PEMT: variants seen among roughly 807,000 people sequenced by gnomAD.
PEMT encodes phosphatidylethanolamine N-methyltransferase.
Under a neutral mutation model 27.4 loss-of-function variants are expected in PEMT, and 23 were observed. The ratio of observed to expected loss-of-function variants is 0.84; its 90% confidence interval spans 0.60 to 1.19. The LOEUF (loss-of-function observed/expected upper bound fraction) is 1.19, where lower values mean the gene tolerates loss of function less well. PEMT is among the 50% of genes most tolerant of loss of function. The pLI is 0.00. For missense variants in PEMT, 307 were observed against 310.1 expected, an observed-to-expected ratio of 0.99 and a Z score of 0.07; for synonymous variants, 137 against 139.1, an observed-to-expected ratio of 0.98 and a Z score of 0.11.
In PEMT at chr17:17,576,973, T is replaced by C. The variant is rs745433638; in HGVS notation, c.151A>G (p.Ser51Gly). Residue 51 changes from serine to glycine, a missense_variant, in exon 2 of 7, where the codon AGC (serine) becomes GGC (glycine). Transcript: ENST00000255389. ...ATGGTGATGACGGCAGCCACAAAGC[T>C]GGGATCCAGGGGGTCCACGTAGCCC... ...LLGYVDPLDP[S>G]FVAAVITITF... 9 of 1,613,904 alleles carry C rather than the reference T, an allele frequency of 5.6e-6. No individual in the cohort carries two copies. The South Asian group carries it at 8.8e-5, about 16-fold the overall frequency.
intron 1 of PEMT, among the ~76,000 whole-genome samples, chr17:17,586,216 A>AAAAGAAAGAAAGAAAGAAAGAAAG (rs745534134): frequency 2.5e-5 from 2 of 79,310 alleles, no homozygotes; most frequent in Admixed American, 1.3e-4. Context: ...GAAAGAAAGA[A>AAAAGAAAGAAAGAAAGAAAGAAAG]AAAGAAAGAA....
chr17:17,580,267 A>C (rs930075849), intron 1 of PEMT, among the ~76,000 whole-genome samples: 3 of 152,172 alleles, frequency 2.0e-5, no homozygotes, highest in African/African-American at 7.2e-5. Context: ...TCACAGGGTC[A>C]GGAGTTTGAG....
At chr17:17,533,705 A>G (rs1054632539) in intron 2 of PEMT, among the ~76,000 whole-genome samples, 2 of 151,328 alleles carry the variant, frequency 1.3e-5, no homozygotes, top group African/African-American at 4.9e-5. Flanking sequence ...TGGCACAATC[A>G]CTTCTGAAGG....
chr17:17,510,916 G>A (rs1007562157), intron 4 of PEMT, among the ~76,000 whole-genome samples: 5 of 152,100 alleles, frequency 3.3e-5, no homozygotes, highest in East Asian at 3.9e-4. Flanking sequence ...TGCACAGCCC[G>A]GAGTCCCCCT....
At chr17:17,527,465 G>C (rs1907755878) in intron 2 of PEMT, among the ~76,000 whole-genome samples, 1 of 152,348 alleles carries the variant, frequency 6.6e-6, no homozygotes, top group Middle Eastern at 3.4e-3. Context: ...CAGGTTCTGG[G>C]CTCAAACACC....
intron 2 of PEMT, among the ~76,000 whole-genome samples, chr17:17,537,445 C>A (rs1908560009): frequency 1.3e-5 from 2 of 152,208 alleles, no homozygotes; most frequent in South Asian, 4.1e-4. Context: ...GCCCAACACA[C>A]CGGGCTCCCC....
chr17:17,546,681 C>G (rs867868786), intron 2 of PEMT, among the ~76,000 whole-genome samples: 19 of 152,252 alleles, frequency 1.2e-4, no homozygotes, highest in African/African-American at 4.6e-4. Context: ...GCCTCCCTGT[C>G]CACCCTGGGG....
At chr17:17,592,071 G>A, upstream of PEMT, 1 of 983,724 alleles carries the variant, frequency 1.0e-6, no homozygotes, top group Non-Finnish European at 1.2e-6. Flanking sequence ...CTTGGACTTG[G>A]CCCGGGTCAC....
chr17:17,549,320 G>A (rs1179123255), intron 2 of PEMT, among the ~76,000 whole-genome samples: 1 of 152,176 alleles, frequency 6.6e-6, no homozygotes, highest in African/African-American at 2.4e-5. Flanking sequence ...CTCCTGAGTA[G>A]CTGGGACTAC....
intron 2 of PEMT, among the ~76,000 whole-genome samples, chr17:17,574,313 A>ACC (rs1238514089): frequency 1.5e-5 from 2 of 129,704 alleles, no homozygotes; most frequent in African/African-American, 6.3e-5. Context: ...ATCTTACTGC[A>ACC]TCTTTTTTTT....
intron 3 of PEMT, among the ~76,000 whole-genome samples, chr17:17,520,840 G>C (rs1907209674): frequency 6.6e-6 from 1 of 152,260 alleles, no homozygotes; most frequent in African/African-American, 2.4e-5. Context: ...GACCTCAGTA[G>C]GACCCTGACC....
At chr17:17,569,788 T>C (rs1383029127) in intron 2 of PEMT, among the ~76,000 whole-genome samples, 1 of 152,196 alleles carries the variant, frequency 6.6e-6, no homozygotes, top group East Asian at 1.9e-4. Flanking sequence ...TTTGCTCTTG[T>C]AAATAACTGC....
At chr17:17,579,174 A>C (rs910142238) in intron 1 of PEMT, among the ~76,000 whole-genome samples, 1 of 152,138 alleles carries the variant, frequency 6.6e-6, no homozygotes, top group Non-Finnish European at 1.5e-5. Flanking sequence ...TGCTTCCCCA[A>C]ACGACAGTCT....
intron 2 of PEMT, among the ~76,000 whole-genome samples, chr17:17,573,602 T>G (rs543863193): frequency 6.6e-6 from 1 of 152,144 alleles, no homozygotes; most frequent in East Asian, 1.9e-4. Flanking sequence ...GTAAAGTATA[T>G]GGGAGGGTGG....
At chr17:17,569,308 C>A (rs1195137927) in intron 2 of PEMT, among the ~76,000 whole-genome samples, 1 of 152,190 alleles carries the variant, frequency 6.6e-6, no homozygotes, top group Admixed American at 6.5e-5. Flanking sequence ...CTCTGGAGCA[C>A]ATGTGCAGGA....
chr17:17,529,045 A>T (rs1189933986), intron 2 of PEMT, among the ~76,000 whole-genome samples: 1 of 152,182 alleles, frequency 6.6e-6, no homozygotes, highest in Non-Finnish European at 1.5e-5. Flanking sequence ...CTCATAGTGG[A>T]TGGGGTGTGT....
chr17:17,584,465 C>T (rs1912138577), intron 1 of PEMT, among the ~76,000 whole-genome samples: 1 of 152,028 alleles, frequency 6.6e-6, no homozygotes, highest in Non-Finnish European at 1.5e-5. Flanking sequence ...CCGGCCCAAA[C>T]CTGGCTAATT....
intron 2 of PEMT, among the ~76,000 whole-genome samples, chr17:17,537,948 A>C (rs1908601514): frequency 6.6e-6 from 1 of 152,180 alleles, no homozygotes; most frequent in African/African-American, 2.4e-5. Flanking sequence ...CCAACCTGCC[A>C]CCTCCAGGGA....
intron 2 of PEMT, among the ~76,000 whole-genome samples, chr17:17,576,701 C>A (rs778814604): frequency 2.0e-5 from 3 of 152,224 alleles, no homozygotes; most frequent in Non-Finnish European, 2.9e-5. Flanking sequence ...CCTGGACCAT[C>A]CTGACGCCAG....
Sources: gnomAD v4.1 joint callset for allele counts (sites outside exome capture counted in the v4.1 genomes callset) on GRCh38, gnomAD v4.1.1 for gene constraint, MANE v1.5 for transcripts, NCBI Gene and HGNC (gene_info 2026-07-23, HGNC 2026-07-21) for gene names.